The following THEMIS variants were observed in gnomAD, a reference collection of about 807,000 sequenced individuals.
THEMIS encodes protein THEMIS.
Under a neutral mutation model 52.6 loss-of-function variants are expected in THEMIS, and 37 were observed. That is an observed-to-expected ratio of 0.70 (90% CI 0.54 to 0.93). The LOEUF is 0.93. Ranked by LOEUF, THEMIS falls within the 40% of genes least tolerant of loss-of-function variation. The pLI is 0.00. For synonymous variants in THEMIS, 292 were observed against 272.7 expected (o/e 1.07, Z -0.70); for missense variants, 808 against 763.1 (o/e 1.06, Z -0.69).
At chr6:127,697,688 T>C in the THEMIS span, among the ~76,000 whole-genome samples, 8 of 152,170 alleles carry the variant, frequency 5.3e-5, no homozygotes, top group Non-Finnish European at 8.8e-5. Context: ...TCTCAATGCC[T>C]TGGTATTCTC....
intron 4 of THEMIS, among the ~76,000 whole-genome samples, chr6:127,789,140 A>G (rs1235823828): frequency 6.6e-6 from 1 of 152,190 alleles, no homozygotes; most frequent in African/African-American, 2.4e-5. Context: ...TAGCCAGACT[A>G]ATAAAGAAGA....
intron 4 of THEMIS, among the ~76,000 whole-genome samples, chr6:127,802,515 G>A (rs1277270837): frequency 6.6e-6 from 1 of 152,214 alleles, no homozygotes; most frequent in African/African-American, 2.4e-5. Context: ...GATGTGTGTA[G>A]AGCTCTGGCA....
chr6:127,702,510 G>GT, the THEMIS span, among the ~76,000 whole-genome samples: 10 of 151,810 alleles, frequency 6.6e-5, no homozygotes, highest in African/African-American at 2.2e-4. Flanking sequence ...TCTTCTCAGT[G>GT]TTTTTTAACA....
chr6:127,751,621 T>C (rs1411253557), intron 4 of THEMIS, among the ~76,000 whole-genome samples: 3 of 151,730 alleles, frequency 2.0e-5, no homozygotes, highest in African/African-American at 4.8e-5. Flanking sequence ...TGTAAATTTA[T>C]TGAGAGATTA....
chr6:127,832,931 G>A (rs1328452434), intron 2 of THEMIS, among the ~76,000 whole-genome samples: 1 of 151,324 alleles, frequency 6.6e-6, no homozygotes, highest in Non-Finnish European at 1.5e-5. Flanking sequence ...TTACAGGTGT[G>A]CACCACCATA....
At chr6:127,789,250 T>C (rs1376868174) in intron 4 of THEMIS, among the ~76,000 whole-genome samples, 1 of 152,172 alleles carries the variant, frequency 6.6e-6, no homozygotes, top group Non-Finnish European at 1.5e-5. Context: ...TAAACACCTC[T>C]ATGCAAATAA....
intron 4 of THEMIS, among the ~76,000 whole-genome samples, chr6:127,808,527 T>A (rs954894338): frequency 1.3e-5 from 2 of 152,210 alleles, no homozygotes; most frequent in African/African-American, 4.8e-5. Context: ...CTGCATTATG[T>A]CATAAACCTA....
Position 127,747,013 on chromosome 6 carries a change from T to G in THEMIS, c.1759-27190A>C, listed in dbSNP as rs1354905750. ...TATATAGATATCTATAATTATATTA[T>G]ATATAATTATATATAGATATAATTA... On this transcript the variant is annotated intron_variant, in intron 4 of 5. Coordinates refer to ENST00000368248, the MANE Select transcript of THEMIS (RefSeq NM_001010923.3). Among the ~76,000 whole-genome samples the G allele has an allele frequency of 1.3e-4, 11 of 86,856 alleles. 1 individual carries two copies. The highest frequency in any genetic ancestry group is 5.9e-4 in the African/African-American group (11 of 18,774). The allele number at this position is 86,856 out of a possible 152,430, so 57.0% of individuals were successfully genotyped here. A position where few individuals can be genotyped will look rare whatever the true frequency, so the allele number is the denominator to read the frequency against.
At chr6:127,787,030 A>G (rs1436959182) in intron 4 of THEMIS, among the ~76,000 whole-genome samples, 3 of 151,878 alleles carry the variant, frequency 2.0e-5, no homozygotes, top group Non-Finnish European at 2.9e-5. Flanking sequence ...GCTGTTAGGA[A>G]TCTCCCTGAA....
intron 4 of THEMIS, among the ~76,000 whole-genome samples, chr6:127,755,832 GC>G (rs540949897): frequency 7.2e-4 from 110 of 152,004 alleles, no homozygotes; most frequent in Non-Finnish European, 1.5e-3. Context: ...TTCAAGACCA[GC>G]CTGGCCAAAA....
chr6:127,829,144 T>A (rs1778608166), intron 3 of THEMIS, among the ~76,000 whole-genome samples: 1 of 152,204 alleles, frequency 6.6e-6, no homozygotes, highest in African/African-American at 2.4e-5. Flanking sequence ...TCTAACTAAA[T>A]ATGTTCTATT....
At position 127,844,663 on chromosome 6, in the gene THEMIS, T is replaced by C. The variant is rs550521368; in HGVS notation, c.250+10367A>G. Among the ~76,000 whole-genome samples the C allele has an allele frequency of 7.2e-5, 11 of 152,050 alleles. No individual in the cohort carries two copies. The East Asian group carries it at 1.9e-3, about 27-fold the overall frequency. ...GCTATTTCTCATGACTAAGAGAATA[T>C]GTTTATTATTCATGCTCCATAACAC... On this transcript the variant is annotated intron_variant, in intron 2 of 5. Coordinates refer to ENST00000368248, the MANE Select transcript of THEMIS (RefSeq NM_001010923.3).
At chr6:127,758,582 G>A (rs1240147451) in intron 4 of THEMIS, among the ~76,000 whole-genome samples, 1 of 151,386 alleles carries the variant, frequency 6.6e-6, no homozygotes, top group Non-Finnish European at 1.5e-5. Context: ...ATAGCAGAAA[G>A]ATAAAAAAGT....
intron 4 of THEMIS, among the ~76,000 whole-genome samples, chr6:127,770,631 C>A (rs1183117081): frequency 1.3e-5 from 2 of 152,112 alleles, no homozygotes; most frequent in East Asian, 3.8e-4. Flanking sequence ...TAATTAGATC[C>A]CATTTGTCAA....
the THEMIS span, among the ~76,000 whole-genome samples, chr6:127,701,759 G>A: frequency 6.6e-6 from 1 of 152,138 alleles, no homozygotes; most frequent in Admixed American, 6.5e-5. Flanking sequence ...ATATCTTGTT[G>A]TAGTTTTAAT....
At chr6:127,905,773 G>A (rs1781253430), upstream of THEMIS, among the ~76,000 whole-genome samples, 2 of 151,592 alleles carry the variant, frequency 1.3e-5, no homozygotes, top group Admixed American at 1.3e-4. Context: ...TAATATCAGA[G>A]TTAAATAAAT....
At position 127,709,809 on chromosome 6, in the gene THEMIS, T is replaced by C. The variant is rs1369730144; in HGVS notation, c.*176A>G. 2 of 584,096 alleles carry C rather than the reference T, an allele frequency of 3.4e-6. No homozygotes were observed. The highest frequency in any genetic ancestry group is 3.1e-5 in the East Asian group (1 of 32,464). The allele number at this position is 584,096 out of a possible 1,614,324, so 36.2% of individuals were successfully genotyped here. A position where few individuals can be genotyped will look rare whatever the true frequency, so the allele number is the denominator to read the frequency against. ...AATAGACTATATGAATTCTATATCA[T>C]AGGTTTCTGTAAGTTTTATCTGTTA... is the stretch of plus-strand genomic sequence containing the variant. On this transcript the variant is annotated 3_prime_UTR_variant, in exon 6 of 6. Coordinates refer to ENST00000368248, the MANE Select transcript of THEMIS (RefSeq NM_001010923.3).
chr6:127,722,985 A>G (rs1266127368), intron 4 of THEMIS, among the ~76,000 whole-genome samples: 1 of 152,024 alleles, frequency 6.6e-6, no homozygotes, highest in Non-Finnish European at 1.5e-5. Flanking sequence ...CCAAGATCAC[A>G]TCTGAAGTCT....
At chr6:127,901,219 C>A (rs1198528615), upstream of THEMIS, 2 of 458,792 alleles carry the variant, frequency 4.4e-6, no homozygotes, top group African/African-American at 4.0e-5. Flanking sequence ...ACAGACACTG[C>A]CCAAAAAATG....
Sources: gnomAD v4.1 joint callset for allele counts (sites outside exome capture counted in the v4.1 genomes callset) on GRCh38, gnomAD v4.1.1 for gene constraint, MANE v1.5 for transcripts, NCBI Gene and HGNC (gene_info 2026-07-23, HGNC 2026-07-21) for gene names.